CPQ: variants seen among roughly 807,000 people sequenced by gnomAD.
The protein encoded by CPQ is carboxypeptidase Q.
A neutral mutation model predicts 45.7 loss-of-function variants in CPQ; 37 were observed. The observed-to-expected ratio is 0.81, with a 90% confidence interval of 0.62 to 1.07. The LOEUF (loss-of-function observed/expected upper bound fraction) is 1.07. Among genes scored for constraint, CPQ ranks in the 50% least tolerant of loss-of-function variants. The pLI is 0.00. For synonymous variants in CPQ, 186 were observed against 205.8 expected (o/e 0.90, Z 0.82); for missense variants, 537 against 572.9 (o/e 0.94, Z 0.64).
chr8:96,746,233 G>A (rs1810179157), intron 1 of CPQ, among the ~76,000 whole-genome samples: 1 of 152,114 alleles, frequency 6.6e-6, no homozygotes, highest in Non-Finnish European at 1.5e-5. Context: ...AAATACTGGA[G>A]CCAAGCAATG....
intron 3 of CPQ, among the ~76,000 whole-genome samples, chr8:96,841,876 G>C (rs986464040): frequency 2.4e-4 from 37 of 152,202 alleles, no homozygotes; most frequent in African/African-American, 8.4e-4. Context: ...ACATGAAAAA[G>C]TACATAAATC....
At chr8:96,908,777 A>ACACACACC (rs147900019) in intron 4 of CPQ, among the ~76,000 whole-genome samples, 1,805 of 150,222 alleles carry the variant, frequency 0.012, 10 homozygotes, top group South Asian at 0.019. Flanking sequence ...ACACACACAC[A>ACACACACC]CCATATATTC....
chr8:96,727,730 G>T (rs904774890), intron 1 of CPQ, among the ~76,000 whole-genome samples: 1 of 152,078 alleles, frequency 6.6e-6, no homozygotes, highest in Non-Finnish European at 1.5e-5. Context: ...GAGCACTAAT[G>T]AGTGACTCAG....
chr8:96,857,373 T>C (rs1056619837), intron 3 of CPQ, among the ~76,000 whole-genome samples: 4 of 152,128 alleles, frequency 2.6e-5, no homozygotes, highest in African/African-American at 9.7e-5. Flanking sequence ...CACAGTGAGA[T>C]CTCCTCTTAT....
intron 4 of CPQ, among the ~76,000 whole-genome samples, chr8:96,890,337 G>C (rs1273523361): frequency 6.6e-6 from 1 of 152,196 alleles, no homozygotes; most frequent in African/African-American, 2.4e-5. Flanking sequence ...GGTTGTAGCT[G>C]GTATTGATGA....
chr8:97,072,998 A>G (rs1363001429), intron 7 of CPQ, among the ~76,000 whole-genome samples: 1 of 152,210 alleles, frequency 6.6e-6, no homozygotes, highest in Admixed American at 6.5e-5. Context: ...AATGAGGTTT[A>G]TTAACTATAA....
At chr8:97,055,237 T>C (rs957016723) in intron 6 of CPQ, among the ~76,000 whole-genome samples, 1 of 152,168 alleles carries the variant, frequency 6.6e-6, no homozygotes, top group Non-Finnish European at 1.5e-5. Flanking sequence ...TCAGTCTCTC[T>C]GAACTGTTTT....
intron 1 of CPQ, among the ~76,000 whole-genome samples, chr8:96,769,236 T>G (rs903784993): frequency 6.6e-6 from 1 of 152,192 alleles, no homozygotes; most frequent in African/African-American, 2.4e-5. Flanking sequence ...GGGATCCAAG[T>G]CTTGGGAAAC....
intron 6 of CPQ, chr8:97,055,412 G>C (rs1810437445): frequency 2.0e-5 from 3 of 152,210 alleles, no homozygotes; most frequent in Admixed American, 2.0e-4. Context: ...TGAGGTTCAA[G>C]TCCATATTCT....
chr8:96,926,547 TCTTCC>T (rs1812878483), intron 4 of CPQ, among the ~76,000 whole-genome samples: 1 of 99,922 alleles, frequency 1.0e-5, no homozygotes, highest in African/African-American at 4.8e-5. Flanking sequence ...TTCTTCTTCC[TCTTCC>T]TCTTCCTCTT....
intron 5 of CPQ, among the ~76,000 whole-genome samples, chr8:97,020,595 C>T (rs1437403071): frequency 6.6e-6 from 1 of 152,048 alleles, no homozygotes; most frequent in Admixed American, 6.6e-5. Context: ...ACTATGAACA[C>T]CTTTATGTGC....
intron 1 of CPQ, among the ~76,000 whole-genome samples, chr8:96,659,559 A>G (rs955477757): frequency 6.6e-6 from 1 of 152,140 alleles, no homozygotes; most frequent in Admixed American, 6.6e-5. Flanking sequence ...TAATCTTTCT[A>G]TACACATGAG....
At chr8:96,668,322 A>C (rs906560626) in intron 1 of CPQ, among the ~76,000 whole-genome samples, 2 of 152,238 alleles carry the variant, frequency 1.3e-5, no homozygotes, top group Non-Finnish European at 2.9e-5. Flanking sequence ...TTAGATATTG[A>C]AAATCTAAAC....
chr8:96,893,489 G>A (rs548618414), intron 4 of CPQ, among the ~76,000 whole-genome samples: 1 of 152,298 alleles, frequency 6.6e-6, no homozygotes, highest in South Asian at 2.1e-4. Flanking sequence ...TGCTGGCCCA[G>A]TACTAATGTC....
At chr8:97,119,202 G>GC (rs1454863438) in intron 7 of CPQ, among the ~76,000 whole-genome samples, 1 of 151,898 alleles carries the variant, frequency 6.6e-6, no homozygotes, top group Non-Finnish European at 1.5e-5. Context: ...GGTAATGGGT[G>GC]CCTGCAATCC....
intron 3 of CPQ, among the ~76,000 whole-genome samples, chr8:96,852,380 A>G (rs764260386): frequency 6.6e-6 from 1 of 152,212 alleles, no homozygotes; most frequent in Non-Finnish European, 1.5e-5. Context: ...GGTAGTTTGT[A>G]CTATTTTCAT....
chr8:97,062,231 T>C (rs897705546), intron 6 of CPQ, among the ~76,000 whole-genome samples: 2 of 152,178 alleles, frequency 1.3e-5, no homozygotes, highest in Non-Finnish European at 2.9e-5. Flanking sequence ...TTAAAGGTGC[T>C]TGAAGCTTCA....
intron 3 of CPQ, 83 bp downstream of exon 3, chr8:96,835,263 C>CATTCAAATG: frequency 9.2e-7 from 1 of 1,087,832 alleles, no homozygotes; most frequent in Non-Finnish European, 1.2e-6. Flanking sequence ...AAAAACAAAC[C>CATTCAAATG]ATTCAAATGA....
intron 4 of CPQ, among the ~76,000 whole-genome samples, chr8:96,895,013 C>A (rs1445346921): frequency 6.6e-6 from 1 of 152,206 alleles, no homozygotes; most frequent in African/African-American, 2.4e-5. Context: ...CTCCACCATA[C>A]CTCACTCATT....
Sources: allele counts gnomAD v4.1 joint callset (sites outside exome capture counted in the v4.1 genomes callset), GRCh38; gene constraint gnomAD v4.1.1; transcripts MANE v1.5; gene names NCBI Gene and HGNC (gene_info 2026-07-23, HGNC 2026-07-21).